DOCK2: variants seen among roughly 807,000 people sequenced by gnomAD.
DOCK2 encodes the protein dedicator of cytokinesis 2.
Under a neutral mutation model 248.9 loss-of-function variants are expected in DOCK2, and 87 were observed. The ratio of observed to expected loss-of-function variants is 0.35; its 90% CI spans 0.29 to 0.42. DOCK2 has a LOEUF of 0.42. Among genes scored for constraint, DOCK2 ranks in the 10% least tolerant of loss-of-function variants. DOCK2 has a pLI of 1.00. For synonymous variants in DOCK2, 805 were observed against 821.6 expected (o/e 0.98, Z 0.35); for missense variants, 1,747 against 2,300.2 (o/e 0.76, Z 4.92).
intron 19 of DOCK2, 51 bp from the exon 20 acceptor site, chr5:169,716,162 C>T (rs376001655): frequency 1.3e-6 from 2 of 1,529,182 alleles, no homozygotes; most frequent in African/African-American, 1.4e-5. Context: ...GCTGGTTCAC[C>T]TGTACTTTGT....
At chr5:169,794,215 ACTC>A (rs1766516783) in intron 25 of DOCK2, among the ~76,000 whole-genome samples, 1 of 151,808 alleles carries the variant, frequency 6.6e-6, no homozygotes, top group African/African-American at 2.4e-5. Flanking sequence ...TGTCTCCAGA[ACTC>A]CTCATAGGAT....
intron 23 of DOCK2, among the ~76,000 whole-genome samples, chr5:169,757,031 G>C (rs1011311809): frequency 6.6e-6 from 1 of 152,106 alleles, no homozygotes; most frequent in Non-Finnish European, 1.5e-5. Context: ...AGTAGCCTCT[G>C]GGAGAAATGC....
chr5:170,045,248 C>T (rs1209610642), intron 38 of DOCK2, among the ~76,000 whole-genome samples: 2 of 152,138 alleles, frequency 1.3e-5, no homozygotes, highest in African/African-American at 2.4e-5. Context: ...GGCCTGGTCC[C>T]AACTTTGTCC....
chr5:169,841,538 G>C, intron 27 of DOCK2: 1 of 807,020 alleles, frequency 1.2e-6, no homozygotes, highest in South Asian at 5.6e-5. Context: ...CCTGCCAATG[G>C]TTGTCCATCT....
At chr5:169,996,289 C>T (rs1754630648) in intron 30 of DOCK2, 125 bp downstream of exon 30, 1 of 953,766 alleles carries the variant, frequency 1.0e-6, no homozygotes, top group Non-Finnish European at 1.5e-6. Context: ...CAGGGATTCC[C>T]ACGGGGGGTT....
intron 26 of DOCK2, among the ~76,000 whole-genome samples, chr5:169,812,614 C>CT: frequency 6.6e-6 from 1 of 152,318 alleles, no homozygotes; most frequent in South Asian, 2.1e-4. Context: ...TGAGGATACT[C>CT]TTTTCCCAGG....
intron 27 of DOCK2, among the ~76,000 whole-genome samples, chr5:169,982,505 T>C (rs1456584079): frequency 6.6e-6 from 1 of 152,200 alleles, no homozygotes; most frequent in Non-Finnish European, 1.5e-5. Flanking sequence ...TCTCTCATGA[T>C]TAATCTCGCT....
At chr5:170,028,059 T>A in intron 34 of DOCK2, 111 bp downstream of exon 34, 1 of 858,566 alleles carries the variant, frequency 1.2e-6, no homozygotes, top group Non-Finnish European at 1.7e-6. Flanking sequence ...GAGATGGATC[T>A]AGAGGCTCAT....
Position 169,702,344 on chromosome 5 carries a change from G to A in DOCK2, c.1300G>A (p.Asp434Asn). The part of the protein sequence containing the change: ...NDIYITLLQG[D>N]FDKYNKTTQR... ...CATCTACATTACTCTCTTACAAGGT[G>A]ACTTTGACAAGTACAACAAGACCAC... The change falls in exon 14 of 52, where the codon GAC (aspartate) becomes AAC (asparagine). Residue 434 changes from aspartate to asparagine, a missense_variant. Transcript: ENST00000520908. 1 of 1,613,974 alleles carries A rather than the reference G, an allele frequency of 6.2e-7. No individual in the cohort carries two copies. The highest frequency in any genetic ancestry group is 8.5e-7 in the Non-Finnish European group (1 of 1,179,898).
chr5:169,687,240 A>G (rs1478985758), intron 8 of DOCK2, among the ~76,000 whole-genome samples: 3 of 152,238 alleles, frequency 2.0e-5, no homozygotes, highest in Non-Finnish European at 4.4e-5. Flanking sequence ...AAAAATTTGC[A>G]TGGAGACTTC....
chr5:169,802,235 C>T (rs1767043302), intron 25 of DOCK2, among the ~76,000 whole-genome samples: 3 of 152,172 alleles, frequency 2.0e-5, no homozygotes, highest in Admixed American at 6.5e-5. Context: ...CATCTCAGCT[C>T]ACTGCAACCT....
chr5:169,704,181 C>T (rs1761122411), intron 14 of DOCK2: 1 of 152,186 alleles, frequency 6.6e-6, no homozygotes, highest in African/African-American at 2.4e-5. Flanking sequence ...AGTTGACTGA[C>T]TATTGAAAAT....
chr5:169,872,246 G>A (rs1231043744), intron 27 of DOCK2, among the ~76,000 whole-genome samples: 2 of 152,180 alleles, frequency 1.3e-5, no homozygotes, highest in Non-Finnish European at 1.5e-5. Flanking sequence ...TAAAGAATTA[G>A]CTGTAAGAAT....
At chr5:169,774,893 T>TTG (rs1561683273) in intron 25 of DOCK2, among the ~76,000 whole-genome samples, 14 of 150,862 alleles carry the variant, frequency 9.3e-5, no homozygotes, top group Middle Eastern at 3.4e-3. Flanking sequence ...ATGACTGTTT[T>TTG]TTGTTGTTGT....
At chr5:170,048,542 T>G (rs1181480845) in intron 40 of DOCK2, among the ~76,000 whole-genome samples, 2 of 152,264 alleles carry the variant, frequency 1.3e-5, no homozygotes, top group East Asian at 3.8e-4. Flanking sequence ...TGCAAATCTC[T>G]TTAATGTCTG....
chr5:169,787,612 G>A (rs888352737), intron 25 of DOCK2, among the ~76,000 whole-genome samples: 6 of 151,766 alleles, frequency 4.0e-5, no homozygotes, highest in Middle Eastern at 3.4e-3. Context: ...TTCTGGGCCT[G>A]TTGTGGCTCC....
chr5:169,919,489 G>T (rs1581416433), intron 27 of DOCK2, among the ~76,000 whole-genome samples: 2 of 152,308 alleles, frequency 1.3e-5, no homozygotes, highest in South Asian at 2.1e-4. Context: ...GCAGCCACCT[G>T]ATTTATTCTC....
chr5:169,992,018 G>A (rs905777539), intron 29 of DOCK2, among the ~76,000 whole-genome samples: 1 of 152,154 alleles, frequency 6.6e-6, no homozygotes, highest in African/African-American at 2.4e-5. Flanking sequence ...CTCACGGCTT[G>A]GATTGAACAG....
intron 27 of DOCK2, among the ~76,000 whole-genome samples, chr5:169,914,450 T>C (rs1774768996): frequency 6.6e-6 from 1 of 152,204 alleles, no homozygotes; most frequent in African/African-American, 2.4e-5. Context: ...GGCTCCTGTT[T>C]TATGGGGCTT....
Sources: gnomAD v4.1 joint callset for allele counts (sites outside exome capture counted in the v4.1 genomes callset) on GRCh38, gnomAD v4.1.1 for gene constraint, MANE v1.5 for transcripts, NCBI Gene and HGNC (gene_info 2026-07-23, HGNC 2026-07-21) for gene names.